The following CDAN1 variants were observed in gnomAD, a reference collection of about 807,000 sequenced individuals.
CDAN1 encodes codanin-1.
A neutral mutation model predicts 139.8 loss-of-function variants in CDAN1; 107 were observed. The ratio of observed to expected loss-of-function variants is 0.77; its 90% CI spans 0.65 to 0.90. CDAN1 has a LOEUF of 0.90. Among genes scored for constraint, CDAN1 ranks in the 40% least tolerant of loss-of-function variants. CDAN1 has a pLI of 0.00. For synonymous variants in CDAN1, 776 were observed against 660.6 expected, an observed-to-expected ratio of 1.17 and a Z score of -2.68; for missense variants, 1,667 against 1,575.7, an observed-to-expected ratio of 1.06 and a Z score of -0.98.
At chr15:42,726,792 T>TC in intron 23 of CDAN1, 1 of 268,490 alleles carries the variant, frequency 3.7e-6, no homozygotes, top group Non-Finnish European at 7.2e-6. Flanking sequence ...CTCAAGCCTC[T>TC]CTGTTCATCT....
chr15:42,736,168 A>T (rs1226110095), intron 2 of CDAN1, 90 bp from the exon 3 acceptor site: 7 of 1,570,376 alleles, frequency 4.5e-6, no homozygotes, highest in Non-Finnish European at 6.1e-6. Flanking sequence ...TTGCCAAAAA[A>T]CCCCACAAAA....
chr15:42,731,664 T>A lies in CDAN1; in HGVS notation c.1695A>T (p.Pro565=), dbSNP rs371297697. 12 of 1,613,946 alleles carry A rather than the reference T, an allele frequency of 7.4e-6. No homozygotes were observed. Among genetic ancestry groups the A allele is most frequent in the Non-Finnish European group, 9.3e-6 (11 of 1,179,982 alleles). ...AGTCCCTAAAGAAGCCTTGACAGCC[T>A]GGGAAGGTGGGGGGTGGGCAGGGCC... ...SGGPCPPPTF[P]GCQGFFRDFI... is the part of the protein sequence containing the mutation. Residue 565 remains proline (P), a synonymous_variant, in exon 11 of 28, where the codon CCA becomes CCT. Coordinates refer to ENST00000356231, the MANE Select transcript of CDAN1 (RefSeq NM_138477.4).
rs372998688 is a variant in CDAN1, at chr15:42,727,946, G to C, written c.2947+9C>G. On this transcript the variant is annotated intron_variant, in intron 22 of 27. Transcript: ENST00000356231. ...CTTGATTCAGCCACTCCCCCATCCA[G>C]GACCTTACCTGTGATGTTGGCTGAC... 3 of 1,613,488 alleles carry C rather than the reference G, an allele frequency of 1.9e-6. No homozygotes were observed. The highest frequency in any genetic ancestry group is 2.5e-6 in the Non-Finnish European group (3 of 1,179,410).
Position 42,730,603 on chromosome 15 carries a change from C to T in CDAN1, c.2169G>A (p.Leu723=), listed in dbSNP as rs2140484040. The T allele has an allele frequency of 1.9e-6, 3 of 1,614,144 alleles. No homozygotes were observed. The highest frequency in any genetic ancestry group is 4.5e-5 in the East Asian group (2 of 44,878). The change falls in exon 14 of 28, where the codon CTG becomes CTA. Residue 723 remains leucine, a synonymous_variant. Transcript: ENST00000356231. ...YRDIFTLLLR[L]HRSLVLSQES... ...CTCAGCCTTGTTCCACTCACCGGTG[C>T]AGGCGCAGCAGGAGAGTGAAGATGT...
Position 42,736,295 on chromosome 15 carries a change from GTC to G in CDAN1, c.569+5_569+6del, listed in dbSNP as rs1566989701. On this transcript the variant is annotated splice_donor_5th_base_variant and intron_variant, in intron 2 of 27. Coordinates refer to ENST00000356231, the MANE Select transcript of CDAN1 (RefSeq NM_138477.4). ...TACCCATCTCCTGCATGAGAGCTGA[GTC>G]TCACCCTGTAGGGCCGGGGGGAACC... 1 of 1,613,528 alleles carries G rather than the reference GTC, an allele frequency of 6.2e-7. No individual in the cohort carries two copies. The highest frequency in any genetic ancestry group is 8.5e-7 in the Non-Finnish European group (1 of 1,179,932).
chr15:42,736,980 G>A (rs1168460322), intron 1 of CDAN1, 33 bp downstream of exon 1: 6 of 1,532,528 alleles, frequency 3.9e-6, no homozygotes, highest in Non-Finnish European at 5.3e-6. Flanking sequence ...AACCGGCTTC[G>A]AGTCAGACCT....
rs766763993 is a variant in CDAN1 at position 42,725,634 on chromosome 15, T to C, written c.3305A>G (p.Gln1102Arg). 9.9e-5 allele frequency: 159 copies of C among 1,613,968 alleles called. No individual in the cohort carries two copies. In the East Asian group the frequency reaches 3.1e-3, roughly 31 times the overall value. Residue 1102 changes from glutamine (Q) to arginine (R), a missense_variant, in exon 26 of 28, where the codon CAG (glutamine) becomes CGG (arginine). Gln to Arg is a conservative substitution (Grantham distance 43). This residue lies in a region of CDAN1 where 936 missense variants were observed against 844.1 expected (regional missense o/e 1.11). Transcript: ENST00000356231. ...DQIPILGPPA[Q>R]YRLERGQARR... ...AGCCTGCCCTCTCTCCAGCCTGTAC[T>C]GTGCCGGGGGCCCTAGGATAGGAAT...
rs992634646 is a variant in CDAN1, at chr15:42,729,366, T to C, written c.2408-4A>G. 4 of 1,614,016 alleles carry C rather than the reference T, an allele frequency of 2.5e-6. No individual in the cohort carries two copies. The African/African-American group carries it at 4.0e-5, about 16-fold the overall frequency. On this transcript the variant is annotated splice_polypyrimidine_tract_variant and splice_region_variant and intron_variant, in intron 17 of 27. Coordinates refer to ENST00000356231, the MANE Select transcript of CDAN1 (RefSeq NM_138477.4). ...GCGAGCAGTTTCCGGAGCTCTCCTG[T>C]ATCAGTGAAGTCCAAGTTCTCAGTT...
intron 8 of CDAN1, among the ~76,000 whole-genome samples, chr15:42,733,557 G>T (rs1011203498): frequency 6.6e-6 from 1 of 152,144 alleles, no homozygotes; most frequent in Non-Finnish European, 1.5e-5. Context: ...TTACAGGCGT[G>T]AGCCACCACA....
Position 42,731,794 on chromosome 15 carries a change from G to A in CDAN1, c.1565C>T (p.Thr522Ile). ...CACATCTGGGGCCTCGCCCAAGACGGTGCCCCCAGCACCACCAGGGCTCTG... is the reference window on the plus strand; with the variant it reads ...CACATCTGGGGCCTCGCCCAAGACGATGCCCCCAGCACCACCAGGGCTCTG... The part of the protein sequence containing the change: ...MCQSPGGAGG[T>I]VLGEAPDVLS... Residue 522 changes from threonine to isoleucine, a missense_variant, in exon 11 of 28, where the codon ACC (threonine) becomes ATC (isoleucine). Around this residue, in one of 3 missense-constraint regions of CDAN1, gnomAD observed 244 missense variants for 309.4 expected, o/e 0.79. Coordinates refer to ENST00000356231, the MANE Select transcript of CDAN1 (RefSeq NM_138477.4). 1 of 1,614,100 alleles carries A rather than the reference G, an allele frequency of 6.2e-7. No homozygotes were observed. The highest frequency in any genetic ancestry group is 8.5e-7 in the Non-Finnish European group (1 of 1,180,012).
Position 42,725,265 on chromosome 15 carries a change from C to G in CDAN1, c.3451-14G>C, listed in dbSNP as rs1449850494. 17 of 1,611,944 alleles carry G rather than the reference C, an allele frequency of 1.1e-5. No homozygotes were observed. The highest frequency in any genetic ancestry group is 1.4e-5 in the Non-Finnish European group (17 of 1,178,176). ...CAGCAAGTCCCACTGCAAAACACAC[C>G]GAGGTCAGGGTTGCTAGGAGGACGA... On this transcript the variant is annotated splice_polypyrimidine_tract_variant and intron_variant, in intron 26 of 27. Coordinates refer to ENST00000356231, the MANE Select transcript of CDAN1 (RefSeq NM_138477.4).
chr15:42,731,145 T>G, intron 12 of CDAN1, 66 bp downstream of exon 12: 2 of 1,614,188 alleles, frequency 1.2e-6, no homozygotes, highest in African/African-American at 2.7e-5. Flanking sequence ...TTATAAAGTT[T>G]TTCTTGAACA....
intron 23 of CDAN1, chr15:42,727,346 A>C (rs573780876): frequency 9.9e-6 from 4 of 402,070 alleles, no homozygotes; most frequent in African/African-American, 4.0e-5. Flanking sequence ...CCGCACTCTC[A>C]TCACCATCTG....
At chr15:42,731,180 C>A in intron 12 of CDAN1, 31 bp downstream of exon 12, 1 of 1,614,238 alleles carries the variant, frequency 6.2e-7, no homozygotes, top group Non-Finnish European at 8.5e-7. Context: ...CTGGGTCAGA[C>A]CCCATTATTT....
intron 10 of CDAN1, among the ~76,000 whole-genome samples, 193 bp from the exon 11 acceptor site, chr15:42,732,018 G>C (rs1342023100): frequency 6.6e-6 from 1 of 152,236 alleles, no homozygotes; most frequent in Non-Finnish European, 1.5e-5. Context: ...GGTTAAGCAT[G>C]TGCCTAGGGT....
chr15:42,730,023 G>GA lies in CDAN1; in HGVS notation c.2262+104dup, dbSNP rs1216584175. 22 of 1,306,904 alleles carry GA rather than the reference G, an allele frequency of 1.7e-5. No individual in the cohort carries two copies. In the African/African-American group the frequency reaches 3.1e-4, roughly 19 times the overall value. The allele number at this position is 1,306,904 out of a possible 1,614,324, so 81.0% of individuals were successfully genotyped here. ...TGATGGGAATCCCCAGGCCTTTCCTGAACCTTCGTCTTCCAGCCCTTGCCT... is the reference window on the plus strand; with the variant it reads ...TGATGGGAATCCCCAGGCCTTTCCTGAAACCTTCGTCTTCCAGCCCTTGCCT... On this transcript the variant is annotated intron_variant, in intron 15 of 27. Transcript: ENST00000356231.
Position 42,736,415 on chromosome 15 carries a change from C to A in CDAN1, c.456G>T (p.Arg152Ser), listed in dbSNP as rs1214066615. 6.2e-7 allele frequency: 1 copy of A among 1,607,508 alleles called. No individual in the cohort carries two copies. Among genetic ancestry groups the A allele is most frequent in the Non-Finnish European group, 8.5e-7 (1 of 1,177,172 alleles). The change falls in exon 2 of 28, where the codon AGG becomes AGT. Residue 152 changes from arginine to serine, a missense_variant. By Grantham distance (110) the Arg-to-Ser change is moderately radical. Transcript: ENST00000356231. The stretch of plus-strand genomic sequence containing the variant: ...GGCTGGGGCTGCCAGAGCCCCTAAG[C>A]CTCCGGCCCCCGGCTCCGGGCAGGC... ...GESLPGAGGR[R>S]LRGSGSPSRP...
In CDAN1 at chr15:42,735,864, C is replaced by T; in HGVS notation, c.773+11G>A. The T allele has an allele frequency of 6.2e-7, 1 of 1,613,576 alleles. No individual in the cohort carries two copies. The highest frequency in any genetic ancestry group is 8.5e-7 in the Non-Finnish European group (1 of 1,179,526). Reference sequence around the variant, plus strand: ...AGGAAACCGATATCCCCAGGAGCGGCCAGGCCATACCGCTCCTTCCTGAGC... The same window carrying T: ...AGGAAACCGATATCCCCAGGAGCGGTCAGGCCATACCGCTCCTTCCTGAGC... On this transcript the variant is annotated intron_variant, in intron 3 of 27. Coordinates refer to ENST00000356231, the MANE Select transcript of CDAN1 (RefSeq NM_138477.4).
At position 42,735,911 on chromosome 15, in the gene CDAN1, C is replaced by G. The variant is rs1378205851; in HGVS notation, c.737G>C (p.Ser246Thr). ...GAGCATCTCTCGCTCCTCTTGCAGA[C>G]TTCTGCACCCTGGGGGAAGGCCAAG... ...WGLGLPPGCR[S>T]LQEEREMLRK... The change falls in exon 3 of 28, where the codon AGT (serine) becomes ACT (threonine). Residue 246 changes from serine to threonine, a missense_variant. Around this residue, in one of 3 missense-constraint regions of CDAN1, gnomAD observed 487 missense variants for 422.2 expected, o/e 1.15. Transcript: ENST00000356231. 1 of 1,614,072 alleles carries G rather than the reference C, an allele frequency of 6.2e-7. No homozygotes were observed.
Sources: allele counts gnomAD v4.1 joint callset (sites outside exome capture counted in the v4.1 genomes callset), GRCh38; gene constraint gnomAD v4.1.1; regional missense constraint gnomAD v4.1.1; transcripts MANE v1.5; gene names NCBI Gene and HGNC (gene_info 2026-07-23, HGNC 2026-07-21).